The following SPTBN2 variants were observed in gnomAD, a reference collection of about 807,000 sequenced individuals.
SPTBN2 encodes the protein spectrin beta chain, non-erythrocytic 2.
SPTBN2 carries 107 observed loss-of-function variants against 284.2 expected under a neutral mutation model. That is an observed-to-expected ratio of 0.38 (90% CI 0.32 to 0.44). The LOEUF is 0.44. SPTBN2 is among the 20% of genes least tolerant of loss of function. SPTBN2 has a pLI of 1.00. For missense variants in SPTBN2, 2,569 were observed against 3,287.1 expected (o/e 0.78, Z 5.34); for synonymous variants, 1,289 against 1,354.8 (o/e 0.95, Z 1.07).
upstream of SPTBN2, among the ~76,000 whole-genome samples, chr11:66,732,493 C>CA (rs1288754757): frequency 1.3e-5 from 2 of 151,620 alleles, no homozygotes; most frequent in Admixed American, 6.6e-5. Context: ...ACTAAAAATA[C>CA]AAAAAAATTA....
At chr11:66,702,354 C>T (rs1328319501) in intron 15 of SPTBN2, among the ~76,000 whole-genome samples, 1 of 151,982 alleles carries the variant, frequency 6.6e-6, no homozygotes, top group Non-Finnish European at 1.5e-5. Context: ...TTGGTGGAGA[C>T]GGGTGTTTCA....
chr11:66,735,522 C>T (rs1358299119), intron 1 of SPTBN2, among the ~76,000 whole-genome samples: 1 of 152,054 alleles, frequency 6.6e-6, no homozygotes, highest in Non-Finnish European at 1.5e-5. Flanking sequence ...CCAGCTTGTG[C>T]AATAATAGTG....
At position 66,719,979 on chromosome 11, in the gene SPTBN2, G is replaced by A. The variant is rs60151644; in HGVS notation, c.157+1105C>T. Among the ~76,000 whole-genome samples, 129 of 152,304 alleles carry A rather than the reference G, an allele frequency of 8.5e-4. 1 individual carries two copies. Among genetic ancestry groups the A allele is most frequent in the African/African-American group, 3.1e-3 (127 of 41,562 alleles). ...TGAGAAGGGGTCCTGGGAAGCTATG[G>A]CTGCCACAAGGGGGTCCTCAGACTG... On this transcript the variant is annotated intron_variant, in intron 3 of 37. Transcript: ENST00000533211.
chr11:66,711,487 G>A (rs1359780873), intron 8 of SPTBN2, among the ~76,000 whole-genome samples: 1 of 152,190 alleles, frequency 6.6e-6, no homozygotes, highest in Non-Finnish European at 1.5e-5. Flanking sequence ...GATCCCTGCA[G>A]CTCAGTGGGG....
chr11:66,735,706 T>C (rs1279374568), intron 1 of SPTBN2, among the ~76,000 whole-genome samples: 1 of 152,162 alleles, frequency 6.6e-6, no homozygotes, highest in Non-Finnish European at 1.5e-5. Flanking sequence ...AGTGGGACCC[T>C]GTCTCAAACA....
rs1941088386 is a variant in SPTBN2, at chr11:66,698,926, C to G, written c.3867+66G>C. ...ACAGTCTCCGGTACCTTGTGCTGGACTTATTCTAGGCTCAAGGTGAGAAAG... is the reference window on the plus strand; with the variant it reads ...ACAGTCTCCGGTACCTTGTGCTGGAGTTATTCTAGGCTCAAGGTGAGAAAG... On this transcript the variant is annotated intron_variant, in intron 19 of 37. Coordinates refer to ENST00000533211, the MANE Select transcript of SPTBN2 (RefSeq NM_006946.4). The G allele has an allele frequency of 1.9e-5, 30 of 1,604,902 alleles. No homozygotes were observed. The South Asian group carries it at 3.3e-4, about 18-fold the overall frequency.
In SPTBN2 at chr11:66,690,180, G is replaced by A. The variant is rs546224509; in HGVS notation, c.5669C>T (p.Ala1890Val). The A allele has an allele frequency of 1.2e-6, 2 of 1,613,936 alleles. No homozygotes were observed. The highest frequency in any genetic ancestry group is 1.7e-6 in the Non-Finnish European group (2 of 1,180,006). Reference sequence around the variant, plus strand: ...GGCGGCAGAGCTTCCCTGAAGCTGGGCCCAGGCCTCGGCCACGGCCTGCAT... The same window carrying A: ...GGCGGCAGAGCTTCCCTGAAGCTGGACCCAGGCCTCGGCCACGGCCTGCAT... ...RHMQAVAEAW[A>V]QLQGSSAARR... The change falls in exon 28 of 38, where the codon GCC (alanine) becomes GTC (valine). Residue 1890 changes from alanine to valine, a missense_variant. Physicochemically the swap from Ala to Val is moderately conservative, Grantham distance 64. This residue lies in a region of SPTBN2 where 1,130 missense variants were observed against 1,317.3 expected (regional missense o/e 0.86). Coordinates refer to ENST00000533211, the MANE Select transcript of SPTBN2 (RefSeq NM_006946.4).
intron 15 of SPTBN2, 42 bp from the exon 16 acceptor site, chr11:66,701,763 C>T (rs759279733): frequency 6.8e-5 from 110 of 1,613,370 alleles, no homozygotes; most frequent in Non-Finnish European, 8.6e-5. Flanking sequence ...TGGGAGGCAG[C>T]GATGTGCCCA....
intron 1 of SPTBN2, among the ~76,000 whole-genome samples, chr11:66,722,823 G>A (rs187463288): frequency 2.3e-4 from 34 of 150,568 alleles, no homozygotes; most frequent in African/African-American, 8.1e-4. Context: ...AAACCAGGAG[G>A]TGGAGGCTGC....
chr11:66,723,671 C>T (rs375779133), intron 1 of SPTBN2, among the ~76,000 whole-genome samples: 6 of 152,158 alleles, frequency 3.9e-5, no homozygotes, highest in South Asian at 2.1e-4. Context: ...TTAATTTCTA[C>T]GAGGCCTAGG....
intron 20 of SPTBN2, among the ~76,000 whole-genome samples, chr11:66,697,617 A>G (rs1355094695): frequency 6.6e-6 from 1 of 151,988 alleles, no homozygotes; most frequent in African/African-American, 2.4e-5. Flanking sequence ...CACTTGTCCA[A>G]ATTCTACTCA....
Position 66,700,985 on chromosome 11 carries a change from G to A in SPTBN2, c.3114C>T (p.Ala1038=). The change falls in exon 17 of 38, where the codon GCC becomes GCT. Residue 1038 remains alanine, a synonymous_variant. Coordinates refer to ENST00000533211, the MANE Select transcript of SPTBN2 (RefSeq NM_006946.4). This position sits in a 1 kb window ranked among gnomAD's most constrained non-coding sequence, Gnocchi z 6.6. Reference sequence around the variant, plus strand: ...AGCCGGTCTGCACCTCTCTCAGCCGGGCGTTGATGGCCACTGCCTGAGCGG... The same window carrying A: ...AGCCGGTCTGCACCTCTCTCAGCCGAGCGTTGATGGCCACTGCCTGAGCGG... ...GHPAQAVAIN[A]RLREVQTGWE... is the part of the protein sequence containing the mutation. The A allele has an allele frequency of 6.2e-7, 1 of 1,607,184 alleles. No individual in the cohort carries two copies. Among genetic ancestry groups the A allele is most frequent in the Non-Finnish European group, 8.5e-7 (1 of 1,179,848 alleles).
In SPTBN2 at chr11:66,685,656, T is replaced by A; in HGVS notation, c.*215A>T. On this transcript the variant is annotated 3_prime_UTR_variant, in exon 38 of 38. Coordinates refer to ENST00000533211, the MANE Select transcript of SPTBN2 (RefSeq NM_006946.4). This position sits in a 1 kb window ranked among gnomAD's most constrained non-coding sequence, Gnocchi z 4.4. ...GGCGGGGGTGGGAGAGGGGGTTACCTGGGTCCCACCACCAGTCTGGAATTA... is the reference window on the plus strand; with the variant it reads ...GGCGGGGGTGGGAGAGGGGGTTACCAGGGTCCCACCACCAGTCTGGAATTA... The A allele has an allele frequency of 1.7e-6, 1 of 582,502 alleles. No individual in the cohort carries two copies. Among genetic ancestry groups the A allele is most frequent in the Non-Finnish European group, 3.1e-6 (1 of 323,760 alleles). The allele number at this position is 582,502 out of a possible 1,614,324, so 36.1% of individuals were successfully genotyped here.
chr11:66,700,736 A>G lies in SPTBN2; in HGVS notation c.3363T>C (p.Tyr1121=). ...CCTCGCCCAGGGCTCGCAGCCGGCT[A>G]TACTCGCTCTGGGCCCGCTCCACCT... ...RGEVERAQSE[Y]SRLRALGEEV... is the part of the protein sequence containing the mutation. Residue 1121 remains tyrosine, a synonymous_variant, in exon 17 of 38, where the codon TAT becomes TAC. Coordinates refer to ENST00000533211, the MANE Select transcript of SPTBN2 (RefSeq NM_006946.4). The surrounding 1 kb of genome is among the most constrained non-coding windows in gnomAD (Gnocchi z 6.6). The G allele has an allele frequency of 6.2e-7, 1 of 1,603,228 alleles. No individual in the cohort carries two copies. The highest frequency in any genetic ancestry group is 8.5e-7 in the Non-Finnish European group (1 of 1,179,788).
In SPTBN2 at chr11:66,715,718, A is replaced by G; in HGVS notation, c.309+112T>C. The G allele has an allele frequency of 7.0e-7, 1 of 1,420,112 alleles. No homozygotes were observed. The highest frequency in any genetic ancestry group is 1.4e-5 in the African/African-American group (1 of 70,800). The allele number at this position is 1,420,112 out of a possible 1,614,324, so 88.0% of individuals were successfully genotyped here. A position where few individuals can be genotyped will look rare whatever the true frequency, so the allele number is the denominator to read the frequency against. On this transcript the variant is annotated intron_variant, in intron 4 of 37. Coordinates refer to ENST00000533211, the MANE Select transcript of SPTBN2 (RefSeq NM_006946.4). This position sits in a 1 kb window ranked among gnomAD's most constrained non-coding sequence, Gnocchi z 5.3. Reference sequence around the variant, plus strand: ...ATGAACCCATCCTCTGAGCAGAGGGAGCCACTGCTTCCCGCCCTGTGCCGT... The same window carrying G: ...ATGAACCCATCCTCTGAGCAGAGGGGGCCACTGCTTCCCGCCCTGTGCCGT...
chr11:66,723,570 T>C (rs1350357573), intron 1 of SPTBN2, among the ~76,000 whole-genome samples: 2 of 152,122 alleles, frequency 1.3e-5, no homozygotes, highest in Non-Finnish European at 2.9e-5. Context: ...CACAAAGATT[T>C]TTCTTGGGAG....
rs150295977 is a variant in SPTBN2 at position 66,686,787 on chromosome 11, G to A, written c.6896+207C>T. 7.1e-6 allele frequency: 5 copies of A among 706,184 alleles called. No individual in the cohort carries two copies. The East Asian group carries it at 1.1e-4, about 15-fold the overall frequency. 43.7% of individuals were successfully genotyped at this position (706,184 alleles called of 1,614,324 possible). A position where few individuals can be genotyped will look rare whatever the true frequency, so the allele number is the denominator to read the frequency against. On this transcript the variant is annotated intron_variant, in intron 36 of 37. Coordinates refer to ENST00000533211, the MANE Select transcript of SPTBN2 (RefSeq NM_006946.4). The stretch of plus-strand genomic sequence containing the variant: ...TTCACCTTGACATTGGCAGCCGTCA[G>A]GCCTGGGTCTTGGTTCTCCTGCTCC...
rs959738785 is a variant in SPTBN2, at chr11:66,705,069, G to C, written c.2207C>G (p.Ala736Gly). 3.0e-5 allele frequency: 47 copies of C among 1,588,308 alleles called. No homozygotes were observed. Among genetic ancestry groups the C allele is most frequent in the Non-Finnish European group, 4.0e-5 (47 of 1,174,762 alleles). ...GGCCAGCCGCTGGGCACGCTCCTCG[G>C]CCAGGGCCTCTAGCCGCTCCCACTG... ...QAQWERLEAL[A>G]EERAQRLAQA... Residue 736 changes from alanine (A) to glycine (G), a missense_variant, in exon 15 of 38, where the codon GCC becomes GGC. Transcript: ENST00000533211.
chr11:66,716,632 C>CA (rs1942163945), intron 3 of SPTBN2, among the ~76,000 whole-genome samples: 1 of 152,180 alleles, frequency 6.6e-6, no homozygotes, highest in African/African-American at 2.4e-5. Flanking sequence ...CTTCATTCAT[C>CA]AGAGCCCCAA....
Sources: gnomAD v4.1 joint callset for allele counts (sites outside exome capture counted in the v4.1 genomes callset) on GRCh38, gnomAD v4.1.1 for gene constraint, gnomAD v4.1.1 regional missense constraint, Gnocchi (gnomAD v3.1) non-coding constraint, MANE v1.5 for transcripts, NCBI Gene and HGNC (gene_info 2026-07-23, HGNC 2026-07-21) for gene names.